Variants in MLIP observed in about 807,000 individuals in gnomAD.
MLIP encodes muscular LMNA-interacting protein.
A neutral mutation model predicts 84.8 loss-of-function variants in MLIP; 79 were observed. That is an observed-to-expected ratio of 0.93 (90% CI 0.78 to 1.12). MLIP has a LOEUF of 1.12. Among genes scored for constraint, MLIP ranks in the 50% most tolerant of loss-of-function variants. The pLI is 0.00. For synonymous variants in MLIP, 504 were observed against 463.0 expected (o/e 1.09, Z -1.14); for missense variants, 1,257 against 1,160.6 (o/e 1.08, Z -1.21).
intron 1 of MLIP, chr6:54,030,633 T>A (rs1285611760): frequency 1.3e-5 from 2 of 152,192 alleles, no homozygotes; most frequent in Non-Finnish European, 2.9e-5. Context: ...ATCTGGCATT[T>A]TTATTCCTTG....
At chr6:54,162,282 C>T (rs1471625463) in intron 8 of MLIP, among the ~76,000 whole-genome samples, 1 of 151,932 alleles carries the variant, frequency 6.6e-6, no homozygotes, top group Non-Finnish European at 1.5e-5. Flanking sequence ...GGTAGAGAAA[C>T]AGGCATGTGT....
intron 1 of MLIP, among the ~76,000 whole-genome samples, chr6:54,059,835 T>C (rs1338346716): frequency 3.4e-5 from 2 of 58,128 alleles, no homozygotes; most frequent in Non-Finnish European, 7.3e-5. Flanking sequence ...ATTACTTTGG[T>C]TTATGAATGG....
intron 1 of MLIP, among the ~76,000 whole-genome samples, chr6:54,074,184 C>T (rs1278390256): frequency 6.6e-6 from 1 of 152,096 alleles, no homozygotes; most frequent in Admixed American, 6.6e-5. Flanking sequence ...TGATAAATGG[C>T]TCCCAGTATG....
At chr6:54,136,059 A>G (rs1163774186) in intron 3 of MLIP, among the ~76,000 whole-genome samples, 1 of 152,184 alleles carries the variant, frequency 6.6e-6, no homozygotes, top group African/African-American at 2.4e-5. Flanking sequence ...AATGTTCATT[A>G]TATGTTCATG....
intron 5 of MLIP, among the ~76,000 whole-genome samples, chr6:54,150,584 C>T (rs751406221): frequency 1.3e-5 from 2 of 152,294 alleles, no homozygotes; most frequent in Non-Finnish European, 2.9e-5. Context: ...AGATGAGGAG[C>T]CTGTTTCATG....
At chr6:54,023,202 A>T (rs1168774580) in intron 1 of MLIP, among the ~76,000 whole-genome samples, 1 of 151,372 alleles carries the variant, frequency 6.6e-6, no homozygotes, top group African/African-American at 2.4e-5. Flanking sequence ...AATAATGATA[A>T]CAAGAAGAGT....
chr6:54,082,489 A>G (rs1027607934), intron 1 of MLIP, among the ~76,000 whole-genome samples: 4 of 152,212 alleles, frequency 2.6e-5, no homozygotes, highest in Admixed American at 6.5e-5. Flanking sequence ...CTTGGGGATT[A>G]CAATTCGGAT....
At chr6:54,117,815 G>A (rs1367183759) in intron 1 of MLIP, among the ~76,000 whole-genome samples, 2 of 151,678 alleles carry the variant, frequency 1.3e-5, no homozygotes, top group Non-Finnish European at 2.9e-5. Flanking sequence ...GCGTGTTGGC[G>A]GGCGCCTGTA....
chr6:54,241,520 A>G (rs532810573), intron 12 of MLIP, among the ~76,000 whole-genome samples: 1 of 152,238 alleles, frequency 6.6e-6, no homozygotes, highest in East Asian at 1.9e-4. Flanking sequence ...CTGGTATGCT[A>G]CTTCAGCTAT....
chr6:54,176,978 C>T (rs1412533551), intron 9 of MLIP, among the ~76,000 whole-genome samples: 1 of 152,024 alleles, frequency 6.6e-6, no homozygotes, highest in Non-Finnish European at 1.5e-5. Flanking sequence ...ATAAAAGGTG[C>T]TGGGAAAATT....
At chr6:54,076,758 A>C (rs1482786515) in intron 1 of MLIP, among the ~76,000 whole-genome samples, 1 of 152,184 alleles carries the variant, frequency 6.6e-6, no homozygotes, top group Non-Finnish European at 1.5e-5. Context: ...CTGTATTCCC[A>C]CAGTGAACAT....
intron 1 of MLIP, chr6:54,083,509 T>C: frequency 6.5e-7 from 1 of 1,535,576 alleles, no homozygotes; most frequent in African/African-American, 1.4e-5. Context: ...TGAGTTCTAT[T>C]GGCTGACACT....
intron 11 of MLIP, chr6:54,215,101 G>A (rs1371881991): frequency 2.1e-6 from 3 of 1,441,430 alleles, no homozygotes; most frequent in East Asian, 2.5e-5. Flanking sequence ...TCTACACGCT[G>A]TGTACTTCCT....
intron 3 of MLIP, among the ~76,000 whole-genome samples, chr6:54,132,630 C>T (rs1050568725): frequency 4.6e-5 from 7 of 152,090 alleles, no homozygotes; most frequent in African/African-American, 1.7e-4. Flanking sequence ...TTCATCAGAA[C>T]AGTAGAGGAA....
At chr6:54,156,497 G>C (rs1342983831) in intron 5 of MLIP, among the ~76,000 whole-genome samples, 1 of 152,010 alleles carries the variant, frequency 6.6e-6, no homozygotes, top group Non-Finnish European at 1.5e-5. Flanking sequence ...AGTCTTATTT[G>C]GTTTGGTTTG....
chr6:54,186,128 T>A (rs9474755), intron 9 of MLIP, among the ~76,000 whole-genome samples: 14,053 of 152,270 alleles, frequency 0.092, 826 homozygotes, highest in East Asian at 0.21. Flanking sequence ...CATTGTTTGG[T>A]GATTCATACT....
chr6:54,265,546 G>C (rs931221731), intron 13 of MLIP, among the ~76,000 whole-genome samples: 2 of 152,124 alleles, frequency 1.3e-5, no homozygotes, highest in African/African-American at 2.4e-5. Context: ...CTCCTTGTTA[G>C]ATGATGCATT....
chr6:54,093,868 A>G lies in MLIP; in HGVS notation c.64-27579A>G, dbSNP rs1014077253. On this transcript the variant is annotated intron_variant, in intron 1 of 12. Coordinates refer to the MLIP transcript ENST00000274897. ...GCTGAAGAGCTGTGACAAAGACGGT[A>G]TGGCCCACAAAGCCTAAAATGTTTA... Among the ~76,000 whole-genome samples, 12 of 152,222 alleles carry G rather than the reference A, an allele frequency of 7.9e-5. No individual in the cohort carries two copies. The East Asian group carries it at 1.7e-3, about 22-fold the overall frequency.
At chr6:54,186,808 G>T (rs1257035737) in intron 9 of MLIP, among the ~76,000 whole-genome samples, 1 of 151,948 alleles carries the variant, frequency 6.6e-6, no homozygotes, top group African/African-American at 2.4e-5. Flanking sequence ...ATACGATTTG[G>T]GTGGGGACAC....
Sources: gnomAD v4.1 joint callset for allele counts (sites outside exome capture counted in the v4.1 genomes callset) on GRCh38, gnomAD v4.1.1 for gene constraint, MANE v1.5 for transcripts, NCBI Gene and HGNC (gene_info 2026-07-23, HGNC 2026-07-21) for gene names.